Variants in CLDN16 observed in about 807,000 individuals in gnomAD.
The protein encoded by CLDN16 is claudin 16.
Under a neutral mutation model 24.6 loss-of-function variants are expected in CLDN16, and 13 were observed. The observed-to-expected ratio is 0.53, with a 90% confidence interval of 0.34 to 0.84. The LOEUF (loss-of-function observed/expected upper bound fraction) is 0.84, where lower values mean the gene tolerates loss of function less well. Ranked by LOEUF, CLDN16 falls within the 40% of genes least tolerant of loss-of-function variation. CLDN16 has a pLI of 0.01. For missense variants in CLDN16, 298 were observed against 292.7 expected (o/e 1.02, Z -0.13); for synonymous variants, 116 against 106.7 (o/e 1.09, Z -0.54).
At chr3:190,318,435 G>A (rs1021606821), upstream of CLDN16, among the ~76,000 whole-genome samples, 5 of 152,128 alleles carry the variant, frequency 3.3e-5, no homozygotes, top group African/African-American at 1.2e-4. Context: ...ACTCATCTTA[G>A]CTGCACCATC....
intron 1 of CLDN16, among the ~76,000 whole-genome samples, chr3:190,363,569 T>C (rs867001644): frequency 0.021 from 2,717 of 128,860 alleles, 308 homozygotes; most frequent in African/African-American, 0.069. Context: ...TATATATATA[T>C]ATATATATAT....
chr3:190,380,234 T>TTGCTTCCTTTTCTTCCTTCCC (rs61396642), intron 3 of CLDN16, among the ~76,000 whole-genome samples: 271 of 5,372 alleles, frequency 0.05, 27 homozygotes, highest in East Asian at 0.11. Flanking sequence ...CTTTTCTTCC[T>TTGCTTCCTTTTCTTCCTTCCC]TCCCTCCCTT....
chr3:190,299,945 A>G, the CLDN16 span, among the ~76,000 whole-genome samples: 1 of 152,226 alleles, frequency 6.6e-6, no homozygotes, highest in Non-Finnish European at 1.5e-5. Flanking sequence ...AATAACCATG[A>G]GAACGGAAGC....
intron 1 of CLDN16, among the ~76,000 whole-genome samples, chr3:190,368,722 G>A (rs969772332): frequency 4.6e-5 from 7 of 151,928 alleles, no homozygotes. Flanking sequence ...GAGTCATTCT[G>A]TCAGGACAAG....
At chr3:190,304,039 T>A in the CLDN16 span, among the ~76,000 whole-genome samples, 1 of 152,206 alleles carries the variant, frequency 6.6e-6, no homozygotes, top group Non-Finnish European at 1.5e-5. Flanking sequence ...GACATAGGCC[T>A]GTGGTTTGCA....
chr3:190,409,027 G>A (rs1313253234), intron 4 of CLDN16, among the ~76,000 whole-genome samples: 1 of 150,976 alleles, frequency 6.6e-6, no homozygotes, highest in Non-Finnish European at 1.5e-5. Context: ...ATTGGACATA[G>A]TTGTAGTTGT....
rs1260497925 is a variant in CLDN16 at position 190,408,393 on chromosome 3, A to G, written c.462A>G (p.Ile154Met). ...GTTCTACTTTGGTTTTGCACAATATATTTCTTGGTATCCAATATAAATTTG... is the reference window on the plus strand; with the variant it reads ...GTTCTACTTTGGTTTTGCACAATATGTTTCTTGGTATCCAATATAAATTTG... The part of the protein sequence containing the change: ...VERSTLVLHN[I>M]FLGIQYKFGW... Residue 154 changes from isoleucine (I) to methionine (M), a missense_variant, in exon 4 of 5, where the codon ATA becomes ATG. By Grantham distance (10) the Ile-to-Met change is conservative (BLOSUM62 1). Transcript: ENST00000264734. The G allele has an allele frequency of 3.7e-6, 6 of 1,613,952 alleles. No homozygotes were observed. The Admixed American group carries it at 5.0e-5, about 13-fold the overall frequency.
chr3:190,299,386 G>T, the CLDN16 span, among the ~76,000 whole-genome samples: 1 of 151,826 alleles, frequency 6.6e-6, no homozygotes, highest in East Asian at 1.9e-4. Context: ...TCCTAATTTT[G>T]GATTGCCCCT....
chr3:190,406,735 CTGGCTT>C (rs1353028627), intron 3 of CLDN16, among the ~76,000 whole-genome samples: 1 of 138,474 alleles, frequency 7.2e-6, no homozygotes, highest in East Asian at 2.0e-4. Flanking sequence ...TGTTTATTAT[CTGGCTT>C]TTTTTTTTTT....
intron 1 of CLDN16, among the ~76,000 whole-genome samples, chr3:190,331,592 C>A (rs1474715870): frequency 1.3e-5 from 2 of 152,142 alleles, no homozygotes; most frequent in African/African-American, 4.8e-5. Flanking sequence ...AGATATAGAG[C>A]ATTCTGCCAC....
intron 1 of CLDN16, among the ~76,000 whole-genome samples, chr3:190,360,726 G>C (rs1717870307): frequency 6.6e-6 from 1 of 150,826 alleles, no homozygotes; most frequent in Non-Finnish European, 1.5e-5. Context: ...TTTCTCCATA[G>C]AGTTCCATTT....
At chr3:190,395,168 A>G (rs1718784900) in intron 1 of CLDN16, among the ~76,000 whole-genome samples, 1 of 152,244 alleles carries the variant, frequency 6.6e-6, no homozygotes, top group African/African-American at 2.4e-5. Flanking sequence ...AAGTTCAGAT[A>G]TATAACGTAG....
intron 1 of CLDN16, among the ~76,000 whole-genome samples, chr3:190,360,667 T>C (rs1717869039): frequency 6.6e-6 from 1 of 151,912 alleles, no homozygotes. Context: ...CCCATTCTAT[T>C]CTTTGTTCTC....
the CLDN16 span, among the ~76,000 whole-genome samples, chr3:190,305,501 CCT>C: frequency 6.6e-6 from 1 of 152,100 alleles, no homozygotes; most frequent in Non-Finnish European, 1.5e-5. Context: ...CTCCTGGCAT[CCT>C]CTTCTATTAC....
chr3:190,402,501 G>C (rs1487768185), intron 2 of CLDN16, 62 bp downstream of exon 2: 1 of 1,302,914 alleles, frequency 7.7e-7, no homozygotes, highest in Non-Finnish European at 1.1e-6. Flanking sequence ...ACTGAGTTCA[G>C]GTTTCCATTT....
At chr3:190,369,108 T>G (rs1718082254) in intron 1 of CLDN16, among the ~76,000 whole-genome samples, 1 of 151,928 alleles carries the variant, frequency 6.6e-6, no homozygotes, top group Non-Finnish European at 1.5e-5. Flanking sequence ...TCATGCTCCT[T>G]GAAAGACAGA....
chr3:190,309,849 C>T, the CLDN16 span, among the ~76,000 whole-genome samples: 1 of 152,092 alleles, frequency 6.6e-6, no homozygotes, highest in Non-Finnish European at 1.5e-5. Flanking sequence ...TCAGAATACA[C>T]TTCAAAAAGG....
intron 1 of CLDN16, among the ~76,000 whole-genome samples, chr3:190,343,692 A>C (rs564912367): frequency 6.6e-6 from 1 of 152,296 alleles, no homozygotes; most frequent in African/African-American, 2.4e-5. Flanking sequence ...TACGTGAAGT[A>C]AGTCAGACAC....
At chr3:190,326,167 C>G (rs955083598) in intron 1 of CLDN16, among the ~76,000 whole-genome samples, 6 of 152,134 alleles carry the variant, frequency 3.9e-5, no homozygotes, top group African/African-American at 1.4e-4. Context: ...GAACATTAAA[C>G]AAGTTCAGAC....
Sources: allele counts gnomAD v4.1 joint callset (sites outside exome capture counted in the v4.1 genomes callset), GRCh38; gene constraint gnomAD v4.1.1; transcripts MANE v1.5; gene names NCBI Gene and HGNC (gene_info 2026-07-23, HGNC 2026-07-21).